TBKBP1: variants seen among roughly 807,000 people sequenced by gnomAD.
TBKBP1 encodes the protein TANK-binding kinase 1-binding protein 1.
A neutral mutation model predicts 69.9 loss-of-function variants in TBKBP1; 47 were observed. The ratio of observed to expected loss-of-function variants is 0.67; its 90% CI spans 0.53 to 0.86. The LOEUF is 0.86. Among genes scored for constraint, TBKBP1 ranks in the 40% least tolerant of loss-of-function variants. The probability of loss-of-function intolerance (pLI) is 0.00; values close to 1 mark genes in which losing one functional copy is unlikely to be tolerated. For synonymous variants in TBKBP1, 418 were observed against 390.3 expected (o/e 1.07, Z -0.84); for missense variants, 831 against 858.6 (o/e 0.97, Z 0.40).
rs774797034 is a variant in TBKBP1 at position 47,700,289 on chromosome 17, C to CTTTTTT, written c.872+614_872+619dup. On this transcript the variant is annotated intron_variant, in intron 7 of 9. Coordinates refer to ENST00000578982, the MANE Select transcript of TBKBP1 (RefSeq NM_001394755.1). Reference sequence around the variant, plus strand: ...TAGGAGTGAGCCACTGCGCCCGGACCTTTTTTTTTTTTTTTTTTTTTTTTT... The same window carrying CTTTTTT: ...TAGGAGTGAGCCACTGCGCCCGGACCTTTTTTTTTTTTTTTTTTTTTTTTTTTTTTT... 2.0e-3 allele frequency among the ~76,000 whole-genome samples: 81 copies of CTTTTTT among 41,438 alleles called. 3 individuals are homozygous for CTTTTTT. Among genetic ancestry groups the CTTTTTT allele is most frequent in the African/African-American group, 9.9e-3 (72 of 7,274 alleles). 27.2% of individuals were successfully genotyped at this position (41,438 alleles called of 152,430 possible). A position where few individuals can be genotyped will look rare whatever the true frequency, so the allele number is the denominator to read the frequency against.
In TBKBP1 at chr17:47,708,792, T is replaced by G. The variant is rs2143354889; in HGVS notation, c.1059T>G (p.Pro353=). Residue 353 remains proline, a synonymous_variant, in exon 9 of 10, where the codon CCT becomes CCG. Transcript: ENST00000578982. This position sits in a 1 kb window ranked among gnomAD's most constrained non-coding sequence, Gnocchi z 4.4. ...PAPQCPSPSP[P]ARAAPPCPPC... ...CCCAGTGCCCCTCCCCCTCCCCGCC[T>G]GCCCGAGCGGCTCCCCCGTGCCCCC... The G allele has an allele frequency of 3.2e-5, 12 of 371,752 alleles. No homozygotes were observed. Among genetic ancestry groups the G allele is most frequent in the East Asian group, 1.1e-4 (2 of 18,386 alleles). The allele number at this position is 371,752 out of a possible 1,614,324, so 23.0% of individuals were successfully genotyped here.
rs534162957 is a variant in TBKBP1, at chr17:47,697,086, C to T, written c.349-3C>T. The T allele has an allele frequency of 2.2e-5, 35 of 1,609,126 alleles. No individual in the cohort carries two copies. In the African/African-American group the frequency reaches 2.8e-4, roughly 13 times the overall value. The stretch of plus-strand genomic sequence containing the variant: ...GTGGTGGGGCCCTCTGGGCCTCATC[C>T]AGTTACAGAAGAACAAGGAGCAGGA... On this transcript the variant is annotated splice_polypyrimidine_tract_variant and splice_region_variant and intron_variant, in intron 3 of 9. Coordinates refer to ENST00000578982, the MANE Select transcript of TBKBP1 (RefSeq NM_001394755.1).
chr17:47,699,126 T>C (rs747414419), intron 5 of TBKBP1, among the ~76,000 whole-genome samples, 194 bp from the exon 6 acceptor site: 1 of 152,148 alleles, frequency 6.6e-6, no homozygotes, highest in Admixed American at 6.5e-5. Flanking sequence ...CTTATTTTTT[T>C]CCTGGCCTCC....
At position 47,710,506 on chromosome 17, in the gene TBKBP1, G is replaced by A. The variant is rs1305814368; in HGVS notation, c.1728G>A (p.Met576Ile). ...TCCTTCTCTCTCGACAGTTGCTGATGGAGACGGTGGGCTCCGACATCCGCA... is the reference window on the plus strand; with the variant it reads ...TCCTTCTCTCTCGACAGTTGCTGATAGAGACGGTGGGCTCCGACATCCGCA... ...AQSWPSINLL[M>I]ETVGSDIRSC... is the part of the protein sequence containing the mutation. Residue 576 changes from methionine (M) to isoleucine (I), a missense_variant, in exon 10 of 10, where the codon ATG becomes ATA. Met to Ile is a conservative substitution (Grantham distance 10). Coordinates refer to ENST00000578982, the MANE Select transcript of TBKBP1 (RefSeq NM_001394755.1). The A allele has an allele frequency of 6.2e-7, 1 of 1,609,678 alleles. No homozygotes were observed. The highest frequency in any genetic ancestry group is 1.1e-5 in the South Asian group (1 of 90,978).
intron 7 of TBKBP1, among the ~76,000 whole-genome samples, chr17:47,700,017 T>C (rs2031430009): frequency 6.7e-6 from 1 of 149,954 alleles, no homozygotes; most frequent in African/African-American, 2.5e-5. Context: ...AGACGGAGTC[T>C]TGCTCTGTCA....
In TBKBP1 at chr17:47,698,581, GTCTC is replaced by G. The variant is rs753122772; in HGVS notation, c.454-7_454-4del. On this transcript the variant is annotated splice_polypyrimidine_tract_variant and intron_variant, in intron 4 of 9. Coordinates refer to ENST00000578982, the MANE Select transcript of TBKBP1 (RefSeq NM_001394755.1). ...TGGGCCTGTGCAGACCCTCCCCTCT[GTCTC>G]TCTCTCCAGAGGGCCCTGGTGGAGA... is the stretch of plus-strand genomic sequence containing the variant. The G allele has an allele frequency of 7.0e-6, 11 of 1,573,108 alleles. No homozygotes were observed. The highest frequency in any genetic ancestry group is 3.7e-5 in the Admixed American group (2 of 54,010).
intron 7 of TBKBP1, among the ~76,000 whole-genome samples, chr17:47,700,115 T>C (rs2031434097): frequency 6.6e-6 from 1 of 151,102 alleles, no homozygotes. Flanking sequence ...GCCTCCTGAG[T>C]AGCTAGGACT....
chr17:47,702,458 C>T (rs1567906975), intron 7 of TBKBP1, among the ~76,000 whole-genome samples: 1 of 152,078 alleles, frequency 6.6e-6, no homozygotes, highest in Non-Finnish European at 1.5e-5. Flanking sequence ...GTCTAGACAC[C>T]TCCGGGGCAG....
chr17:47,708,108 G>C lies in TBKBP1; in HGVS notation c.873-286G>C, dbSNP rs890763288. 6.6e-6 allele frequency among the ~76,000 whole-genome samples: 1 copy of C among 152,240 alleles called. No individual in the cohort carries two copies. The highest frequency in any genetic ancestry group is 2.4e-5 in the African/African-American group (1 of 41,460). Reference sequence around the variant, plus strand: ...GGACAGTGCCTGATGCAGGGATTCAGGGAGCCCTTGGAATCTCTCTGCTCC... The same window carrying C: ...GGACAGTGCCTGATGCAGGGATTCACGGAGCCCTTGGAATCTCTCTGCTCC... On this transcript the variant is annotated intron_variant, in intron 7 of 9. Transcript: ENST00000578982. The surrounding 1 kb of genome is among the most constrained non-coding windows in gnomAD (Gnocchi z 4.4).
Position 47,706,423 on chromosome 17 carries a change from C to T in TBKBP1, c.873-1971C>T, listed in dbSNP as rs75819399. ...CTGATGGGGGAGATGCCATTTCTTCCCACAGACCCATGAGCTGAGGATGAG... is the reference window on the plus strand; with the variant it reads ...CTGATGGGGGAGATGCCATTTCTTCTCACAGACCCATGAGCTGAGGATGAG... On this transcript the variant is annotated intron_variant, in intron 7 of 9. Coordinates refer to ENST00000578982, the MANE Select transcript of TBKBP1 (RefSeq NM_001394755.1). 6.7e-4 allele frequency among the ~76,000 whole-genome samples: 102 copies of T among 152,228 alleles called. No homozygotes were observed. In the East Asian group the frequency reaches 0.016, roughly 23 times the overall value.
At chr17:47,704,772 C>T (rs1194491804) in intron 7 of TBKBP1, among the ~76,000 whole-genome samples, 1 of 150,818 alleles carries the variant, frequency 6.6e-6, no homozygotes, top group Admixed American at 6.6e-5. Flanking sequence ...TTAATCCTGT[C>T]CTCAAGGCAG....
rs1597969217 is a variant in TBKBP1 at position 47,708,783 on chromosome 17, C to A, written c.1050C>A (p.Pro350=). 1 of 1,083,874 alleles carries A rather than the reference C, an allele frequency of 9.2e-7. No homozygotes were observed. The highest frequency in any genetic ancestry group is 1.3e-6 in the Non-Finnish European group (1 of 764,538). The allele number at this position is 1,083,874 out of a possible 1,614,324, so 67.1% of individuals were successfully genotyped here. A position where few individuals can be genotyped will look rare whatever the true frequency, so the allele number is the denominator to read the frequency against. Residue 350 remains proline, a synonymous_variant, in exon 9 of 10, where the codon CCC becomes CCA. Coordinates refer to ENST00000578982, the MANE Select transcript of TBKBP1 (RefSeq NM_001394755.1). The surrounding 1 kb of genome is among the most constrained non-coding windows in gnomAD (Gnocchi z 4.4). ...RHSPAPQCPS[P]SPPARAAPPC... is the part of the protein sequence containing the mutation. ...CCCCGGCCCCCCAGTGCCCCTCCCCCTCCCCGCCTGCCCGAGCGGCTCCCC... is the reference window on the plus strand; with the variant it reads ...CCCCGGCCCCCCAGTGCCCCTCCCCATCCCCGCCTGCCCGAGCGGCTCCCC...
intron 7 of TBKBP1, among the ~76,000 whole-genome samples, chr17:47,706,721 G>A (rs1385262442): frequency 1.3e-5 from 2 of 152,088 alleles, no homozygotes; most frequent in Non-Finnish European, 2.9e-5. Context: ...CAGCCAGTGA[G>A]CGACAGCAGG....
Position 47,700,289 on chromosome 17 carries a change from C to CTTCTTTTTTTTTTTTTTTTTTTTTT in TBKBP1, c.872+594_872+595insCTTTTTTTTTTTTTTTTTTTTTTTT, listed in dbSNP as rs2031445503. ...TAGGAGTGAGCCACTGCGCCCGGAC[C>CTTCTTTTTTTTTTTTTTTTTTTTTT]TTTTTTTTTTTTTTTTTTTTTTTTT... On this transcript the variant is annotated intron_variant, in intron 7 of 9. Transcript: ENST00000578982. Among the ~76,000 whole-genome samples, 2 of 41,476 alleles carry CTTCTTTTTTTTTTTTTTTTTTTTTT rather than the reference C, an allele frequency of 4.8e-5. 1 individual carries two copies. Among genetic ancestry groups the CTTCTTTTTTTTTTTTTTTTTTTTTT allele is most frequent in the Non-Finnish European group, 8.7e-5 (2 of 22,958 alleles). The allele number at this position is 41,476 out of a possible 152,430, so 27.2% of individuals were successfully genotyped here.
At chr17:47,698,829 AT>A in intron 5 of TBKBP1, 54 bp downstream of exon 5, 2 of 1,427,706 alleles carry the variant, frequency 1.4e-6, no homozygotes, top group East Asian at 2.5e-5. Context: ...CCATTTCAAC[AT>A]TCCTAGACAC....
At chr17:47,705,014 CCT>C (rs1383529832) in intron 7 of TBKBP1, among the ~76,000 whole-genome samples, 1 of 152,196 alleles carries the variant, frequency 6.6e-6, no homozygotes, top group African/African-American at 2.4e-5. Context: ...CTTGAGCCAG[CCT>C]CTTAATCGCC....
Position 47,708,771 on chromosome 17 carries a change from GTGCCCCT to G in TBKBP1, c.1039_1045del (p.Cys347ProfsTer104). ...CACAACGCCACTCCCCGGCCCCCCA[GTGCCCCT>G]CCCCCTCCCCGCCTGCCCGAGCGGC... On this transcript the variant is annotated frameshift_variant, in exon 9 of 10. Coordinates refer to ENST00000578982, the MANE Select transcript of TBKBP1 (RefSeq NM_001394755.1). LOFTEE classifies it high-confidence loss of function. The surrounding 1 kb of genome is among the most constrained non-coding windows in gnomAD (Gnocchi z 4.4). 15 of 415,524 alleles carry G rather than the reference GTGCCCCT, an allele frequency of 3.6e-5. No homozygotes were observed. The highest frequency in any genetic ancestry group is 5.2e-5 in the Non-Finnish European group (14 of 268,458). The allele number at this position is 415,524 out of a possible 1,614,324, so 25.7% of individuals were successfully genotyped here.
At chr17:47,705,850 C>T (rs1307075976) in intron 7 of TBKBP1, among the ~76,000 whole-genome samples, 2 of 152,184 alleles carry the variant, frequency 1.3e-5, no homozygotes, top group Non-Finnish European at 2.9e-5. Context: ...GGGGACTTAG[C>T]AGTCTTTGTG....
At chr17:47,703,735 C>G (rs1346800885) in intron 7 of TBKBP1, among the ~76,000 whole-genome samples, 1 of 152,128 alleles carries the variant, frequency 6.6e-6, no homozygotes, top group Non-Finnish European at 1.5e-5. Flanking sequence ...AGGCACTCCC[C>G]TGAAATTTTT....
Sources: gnomAD v4.1 joint callset for allele counts (sites outside exome capture counted in the v4.1 genomes callset) on GRCh38, gnomAD v4.1.1 for gene constraint, Gnocchi (gnomAD v3.1) non-coding constraint, MANE v1.5 for transcripts, NCBI Gene and HGNC (gene_info 2026-07-23, HGNC 2026-07-21) for gene names.